The following GCA variants were observed in gnomAD, a reference collection of about 807,000 sequenced individuals.
GCA encodes grancalcin, also known as grancalcin, EF-hand calcium-binding protein.
A neutral mutation model predicts 32.6 loss-of-function variants in GCA; 30 were observed. That is an observed-to-expected ratio of 0.92 (90% CI 0.69 to 1.25). The LOEUF is 1.25. Among genes scored for constraint, GCA ranks in the 50% most tolerant of loss-of-function variants. The pLI, the probability that GCA is intolerant of heterozygous loss-of-function variation, is 0.00. For synonymous variants in GCA, 102 were observed against 84.6 expected (o/e 1.21, Z -1.13); for missense variants, 291 against 266.8 (o/e 1.09, Z -0.63).
At chr2:162,363,420 A>G (rs928525148), downstream of GCA, among the ~76,000 whole-genome samples, 1 of 151,404 alleles carries the variant, frequency 6.6e-6, no homozygotes, top group Non-Finnish European at 1.5e-5. Flanking sequence ...ATGCTAAAAT[A>G]TCATCCAAGA....
intron 1 of GCA, among the ~76,000 whole-genome samples, chr2:162,323,369 T>C (rs1558882410): frequency 6.6e-6 from 1 of 151,914 alleles, no homozygotes; most frequent in African/African-American, 2.4e-5. Flanking sequence ...GCCTGTTCAC[T>C]CTAATGGTAG....
chr2:162,359,065 C>A lies in GCA; in HGVS notation c.476C>A (p.Thr159Lys). ...TTAGGTTATAGGTTGAGTCCTCAAA[C>A]ATTAACTACTATTGTTAAACGTTAT... ...GLMGYRLSPQ[T>K]LTTIVKRYSK... Residue 159 changes from threonine (T) to lysine (K), a missense_variant, in exon 6 of 8, where the codon ACA (threonine) becomes AAA (lysine). Physicochemically the swap from Thr to Lys is moderately conservative, Grantham distance 78 (BLOSUM62 -1). Transcript: ENST00000437150. 6.3e-7 allele frequency: 1 copy of A among 1,580,368 alleles called. No individual in the cohort carries two copies. Among genetic ancestry groups the A allele is most frequent in the Non-Finnish European group, 8.7e-7 (1 of 1,151,770 alleles).
intron 4 of GCA, among the ~76,000 whole-genome samples, chr2:162,368,357 C>T (rs1311313864): frequency 2.6e-5 from 4 of 151,702 alleles, no homozygotes; most frequent in Non-Finnish European, 5.9e-5. Context: ...TGGTTTTAGC[C>T]ATAGATAAGC....
downstream of GCA, among the ~76,000 whole-genome samples, chr2:162,372,746 T>A (rs1686002148): frequency 1.3e-5 from 2 of 152,118 alleles, no homozygotes; most frequent in African/African-American, 2.4e-5. Flanking sequence ...TTTAAATCAT[T>A]GTTCTTAGGT....
At chr2:162,336,640 A>ATC (rs35544365) in intron 1 of GCA, among the ~76,000 whole-genome samples, 5,864 of 151,978 alleles carry the variant, frequency 0.039, 445 homozygotes, top group Admixed American at 0.21. Flanking sequence ...ACCTAAGTAT[A>ATC]TCTCTCTCTC....
At chr2:162,372,402 CA>C (rs1173149203), downstream of GCA, among the ~76,000 whole-genome samples, 1 of 151,808 alleles carries the variant, frequency 6.6e-6, no homozygotes. Context: ...AAATTTAAGA[CA>C]AATTGGGATG....
At position 162,344,155 on chromosome 2, in the gene GCA, C is replaced by G. The variant is rs1182255299; in HGVS notation, c.-94C>G. ...TTAGTGCGCCTTTCAGCCTCACCTG[C>G]AGCTGCGCCTCCTTGCACCTGCGCC... On this transcript the variant is annotated 5_prime_UTR_variant, in exon 1 of 8. Transcript: ENST00000437150. 13 of 1,357,470 alleles carry G rather than the reference C, an allele frequency of 9.6e-6. No individual in the cohort carries two copies. The highest frequency in any genetic ancestry group is 1.4e-5 in the African/African-American group (1 of 69,966). The allele number at this position is 1,357,470 out of a possible 1,614,324, so 84.1% of individuals were successfully genotyped here. A position where few individuals can be genotyped will look rare whatever the true frequency, so the allele number is the denominator to read the frequency against.
At chr2:162,356,701 A>G (rs906135799) in intron 4 of GCA, 57 bp from the exon 5 acceptor site, 17 of 1,335,168 alleles carry the variant, frequency 1.3e-5, no homozygotes, top group Non-Finnish European at 1.8e-5. Context: ...TTAGTCAATG[A>G]TTTAGAGTCA....
At chr2:162,320,131 T>C (rs1051350222) in intron 1 of GCA, among the ~76,000 whole-genome samples, 1 of 152,194 alleles carries the variant, frequency 6.6e-6, no homozygotes, top group Non-Finnish European at 1.5e-5. Context: ...GAGTTGACCA[T>C]AGCAGCTGGC....
At chr2:162,327,526 AG>A (rs903760980) in intron 1 of GCA, among the ~76,000 whole-genome samples, 2 of 152,142 alleles carry the variant, frequency 1.3e-5, no homozygotes, top group African/African-American at 4.8e-5. Flanking sequence ...TTCCCTGGCC[AG>A]GGGAGGTTCT....
chr2:162,362,523 G>A lies in GCA; in HGVS notation c.*2280G>A. On this transcript the variant is annotated 3_prime_UTR_variant, in exon 8 of 8. Transcript: ENST00000437150. ...TACACCCCAGTTCTTTTACGATGAT[G>A]TAAATTATTGAATAATGTACACTCT... 1.2e-5 allele frequency: 12 copies of A among 966,746 alleles called. No homozygotes were observed. Among genetic ancestry groups the A allele is most frequent in the Non-Finnish European group, 1.5e-5 (12 of 813,140 alleles). 59.9% of individuals were successfully genotyped at this position (966,746 alleles called of 1,614,324 possible).
rs551054262 is a variant in GCA at position 162,362,311 on chromosome 2, A to G, written c.*2068A>G. 7 of 983,974 alleles carry G rather than the reference A, an allele frequency of 7.1e-6. No individual in the cohort carries two copies. Among genetic ancestry groups the G allele is most frequent in the Admixed American group, 6.2e-5 (1 of 16,096 alleles). 61.0% of individuals were successfully genotyped at this position (983,974 alleles called of 1,614,324 possible). On this transcript the variant is annotated 3_prime_UTR_variant, in exon 8 of 8. Coordinates refer to ENST00000437150, the MANE Select transcript of GCA (RefSeq NM_012198.5). Reference sequence around the variant, plus strand: ...GCCGATCCAACTTAATTGCCAGGCAACTCTTCTGCACTTTACATTAAACAG... The same window carrying G: ...GCCGATCCAACTTAATTGCCAGGCAGCTCTTCTGCACTTTACATTAAACAG...
chr2:162,337,645 C>T (rs1684311562), intron 1 of GCA, among the ~76,000 whole-genome samples: 1 of 152,108 alleles, frequency 6.6e-6, no homozygotes, highest in African/African-American at 2.4e-5. Context: ...TTATACCCAC[C>T]CATAACTGAT....
intron 3 of GCA, among the ~76,000 whole-genome samples, 155 bp from the exon 4 acceptor site, chr2:162,356,283 A>C (rs1236227257): frequency 1.3e-5 from 2 of 152,020 alleles, no homozygotes; most frequent in Non-Finnish European, 2.9e-5. Context: ...TTTTTAAACA[A>C]TGGGTGCTTA....
chr2:162,359,175 C>T lies in GCA; in HGVS notation c.568+18C>T. ...ATTGACAGGTATTGACTATTTAAAA[C>T]TAAGTGCACAGTGTTATGTAGCTAT... On this transcript the variant is annotated intron_variant, in intron 6 of 7. Coordinates refer to ENST00000437150, the MANE Select transcript of GCA (RefSeq NM_012198.5). The T allele has an allele frequency of 7.5e-7, 1 of 1,328,608 alleles. No individual in the cohort carries two copies. 82.3% of individuals were successfully genotyped at this position (1,328,608 alleles called of 1,614,324 possible).
At position 162,327,655 on chromosome 2, in the gene GCA, G is replaced by A. The variant is rs570671611; in HGVS notation, c.-31+8430G>A. Among the ~76,000 whole-genome samples, 9 of 152,268 alleles carry A rather than the reference G, an allele frequency of 5.9e-5. No homozygotes were observed. In the South Asian group the frequency reaches 1.9e-3, roughly 32 times the overall value. On this transcript the variant is annotated intron_variant, in intron 1 of 4. Coordinates refer to the GCA transcript ENST00000429691. ...CTGCTGCAGGCACGCCTAGGCAGCT[G>A]AGCTGAGAGGGGAAAGGGTAAGGAG...
intron 2 of GCA, among the ~76,000 whole-genome samples, chr2:162,351,050 GA>G (rs575071236): frequency 1.9e-3 from 287 of 152,150 alleles, no homozygotes; most frequent in African/African-American, 6.5e-3. Context: ...AATGCTCTAT[GA>G]AAAACACCTG....
chr2:162,371,099 A>C (rs1224508243), intron 4 of GCA, among the ~76,000 whole-genome samples: 1 of 152,124 alleles, frequency 6.6e-6, no homozygotes, highest in African/African-American at 2.4e-5. Flanking sequence ...CTCCAGAAAA[A>C]AAGCAAAATG....
At chr2:162,343,696 A>T (rs934944113), upstream of GCA, among the ~76,000 whole-genome samples, 9 of 152,226 alleles carry the variant, frequency 5.9e-5, no homozygotes, top group African/African-American at 2.2e-4. Flanking sequence ...ACTACACAAA[A>T]GTAAATGTAA....
Sources: allele counts gnomAD v4.1 joint callset (sites outside exome capture counted in the v4.1 genomes callset), GRCh38; gene constraint gnomAD v4.1.1; transcripts MANE v1.5; gene names NCBI Gene and HGNC (gene_info 2026-07-23, HGNC 2026-07-21).